The following REC114 variants were observed in gnomAD, a reference collection of about 807,000 sequenced individuals.
The protein encoded by REC114 is REC114 meiotic recombination protein.
In REC114, 27 loss-of-function variants were observed where a neutral mutation model predicts 31.3. That is an observed-to-expected ratio of 0.86 (90% CI 0.64 to 1.19). REC114 has a LOEUF of 1.19. Ranked by LOEUF, REC114 falls within the 50% of genes most tolerant of loss-of-function variation. The pLI, the probability that REC114 is intolerant of heterozygous loss-of-function variation, is 0.00. For missense variants in REC114, 344 were observed against 326.9 expected (o/e 1.05, Z -0.40); for synonymous variants, 134 against 127.7 (o/e 1.05, Z -0.33).
intron 2 of REC114, among the ~76,000 whole-genome samples, chr15:73,474,356 T>G (rs968625531): frequency 2.0e-5 from 3 of 152,236 alleles, no homozygotes; most frequent in Non-Finnish European, 2.9e-5. Context: ...GTGATACATG[T>G]GTTCTTTATT....
chr15:73,496,058 C>T (rs933119825), intron 2 of REC114, among the ~76,000 whole-genome samples: 10 of 151,804 alleles, frequency 6.6e-5, no homozygotes, highest in Non-Finnish European at 1.3e-4. Flanking sequence ...TAGTTTCAGA[C>T]TTATAAAAAA....
chr15:73,488,472 A>C (rs1893402321), intron 2 of REC114, among the ~76,000 whole-genome samples: 1 of 152,218 alleles, frequency 6.6e-6, no homozygotes, highest in Non-Finnish European at 1.5e-5. Flanking sequence ...TATTATAAGC[A>C]GTTAAGAGAG....
intron 2 of REC114, among the ~76,000 whole-genome samples, chr15:73,498,956 G>A (rs929889373): frequency 6.6e-6 from 1 of 152,106 alleles, no homozygotes; most frequent in Admixed American, 6.6e-5. Context: ...ATGAACTTCA[G>A]ACCTTTGGCT....
rs1436430611 is a variant in REC114, at chr15:73,508,758, T to TA, written c.250-31726dup. Among the ~76,000 whole-genome samples the TA allele has an allele frequency of 2.0e-5, 3 of 151,290 alleles. No individual in the cohort carries two copies. In the East Asian group the frequency reaches 5.8e-4, roughly 29 times the overall value. On this transcript the variant is annotated intron_variant, in intron 2 of 5. Coordinates refer to ENST00000331090, the MANE Select transcript of REC114 (RefSeq NM_001042367.2). ...TGATTTCCAATTTCATCCATGTCCC[T>TA]ACAAAGGACGTGAACTCATCATTTT...
chr15:73,480,517 A>C (rs912568151), intron 2 of REC114, among the ~76,000 whole-genome samples: 24 of 152,192 alleles, frequency 1.6e-4, no homozygotes, highest in African/African-American at 4.8e-4. Flanking sequence ...AATTTTCATC[A>C]GTTCATGCCA....
chr15:73,524,174 G>C (rs1414722782), intron 2 of REC114, among the ~76,000 whole-genome samples: 1 of 152,120 alleles, frequency 6.6e-6, no homozygotes, highest in Non-Finnish European at 1.5e-5. Flanking sequence ...ACCCCTATTA[G>C]AGCAACATGG....
chr15:73,514,716 T>A (rs1326400637), intron 2 of REC114, among the ~76,000 whole-genome samples: 1 of 152,006 alleles, frequency 6.6e-6, no homozygotes, highest in African/African-American at 2.4e-5. Context: ...AAAAAAACGC[T>A]TGTGCTAAAA....
intron 2 of REC114, among the ~76,000 whole-genome samples, chr15:73,474,479 GA>G (rs1194348450): frequency 6.6e-6 from 1 of 151,060 alleles, no homozygotes; most frequent in African/African-American, 2.4e-5. Context: ...CCAAATGAAA[GA>G]AAAAAAACAA....
At chr15:73,479,821 TTTATCCAC>T (rs1280362396) in intron 2 of REC114, among the ~76,000 whole-genome samples, 1 of 152,170 alleles carries the variant, frequency 6.6e-6, no homozygotes, top group African/African-American at 2.4e-5. Flanking sequence ...ATAACAATTT[TTTATCCAC>T]TTATCCACTG....
chr15:73,557,571 A>T (rs1894490560), intron 5 of REC114, among the ~76,000 whole-genome samples: 1 of 152,198 alleles, frequency 6.6e-6, no homozygotes, highest in African/African-American at 2.4e-5. Context: ...TATGAAAAAA[A>T]TTATTTGTCC....
intron 2 of REC114, among the ~76,000 whole-genome samples, chr15:73,535,372 C>T (rs896259847): frequency 1.7e-4 from 26 of 152,150 alleles, no homozygotes; most frequent in Non-Finnish European, 2.8e-4. Context: ...CACATGCATT[C>T]TTATACACCA....
intron 3 of REC114, among the ~76,000 whole-genome samples, chr15:73,546,818 A>AC (rs1894315722): frequency 2.6e-5 from 1 of 39,164 alleles, no homozygotes; most frequent in East Asian, 6.6e-4. Context: ...CTGTCTCAGG[A>AC]AAAAAAAAAA....
At chr15:73,518,424 T>C (rs1325513636) in intron 2 of REC114, among the ~76,000 whole-genome samples, 1 of 152,232 alleles carries the variant, frequency 6.6e-6, no homozygotes, top group African/African-American at 2.4e-5. Flanking sequence ...CATCAGGCTT[T>C]TCTGATCCTT....
At chr15:73,486,015 T>C (rs548954576) in intron 2 of REC114, among the ~76,000 whole-genome samples, 1 of 152,354 alleles carries the variant, frequency 6.6e-6, no homozygotes, top group Admixed American at 6.5e-5. Context: ...TAAATAAACT[T>C]CAGCTCTTAT....
At chr15:73,528,731 TTGTG>T (rs1261143233) in intron 2 of REC114, among the ~76,000 whole-genome samples, 4 of 152,236 alleles carry the variant, frequency 2.6e-5, no homozygotes. Flanking sequence ...TATGTATTGT[TTGTG>T]GCTGCTTTCG....
chr15:73,445,368 T>G (rs1258870561), intron 1 of REC114, among the ~76,000 whole-genome samples: 1 of 152,244 alleles, frequency 6.6e-6, no homozygotes, highest in Non-Finnish European at 1.5e-5. Flanking sequence ...TGATCTTCTA[T>G]GCAGACCATT....
intron 2 of REC114, 80 bp from the exon 3 acceptor site, chr15:73,540,405 T>G (rs867105287): frequency 9.8e-7 from 1 of 1,015,260 alleles, no homozygotes; most frequent in Middle Eastern, 2.0e-4. Flanking sequence ...TATACAACTT[T>G]CTAACAGGAA....
intron 3 of REC114, among the ~76,000 whole-genome samples, chr15:73,545,413 G>A (rs1894295509): frequency 1.3e-5 from 2 of 152,114 alleles, no homozygotes; most frequent in African/African-American, 2.4e-5. Flanking sequence ...CAGTCCCTCT[G>A]GTTAACCCAG....
chr15:73,489,357 C>T (rs928194831), intron 2 of REC114, among the ~76,000 whole-genome samples: 2 of 152,004 alleles, frequency 1.3e-5, no homozygotes, highest in Non-Finnish European at 2.9e-5. Context: ...GCAGGTGCAA[C>T]CACGCCCAGA....
Sources: allele counts gnomAD v4.1 joint callset (sites outside exome capture counted in the v4.1 genomes callset), GRCh38; gene constraint gnomAD v4.1.1; transcripts MANE v1.5; gene names NCBI Gene and HGNC (gene_info 2026-07-23, HGNC 2026-07-21).